SRBD1: variants seen among roughly 807,000 people sequenced by gnomAD.
SRBD1 encodes S1 RNA-binding domain-containing protein 1.
SRBD1 carries 88 observed loss-of-function variants against 115.3 expected under a neutral mutation model. The ratio of observed to expected loss-of-function variants is 0.76; its 90% confidence interval spans 0.64 to 0.91. The LOEUF is 0.91. Among genes scored for constraint, SRBD1 ranks in the 40% least tolerant of loss-of-function variants. The pLI is 0.00. For synonymous variants in SRBD1, 509 were observed against 407.7 expected (o/e 1.25, Z -2.99); for missense variants, 1,385 against 1,177.4 (o/e 1.18, Z -2.58).
At chr2:45,547,954 T>A (rs907492230) in intron 12 of SRBD1, among the ~76,000 whole-genome samples, 1 of 152,188 alleles carries the variant, frequency 6.6e-6, no homozygotes, top group African/African-American at 2.4e-5. Flanking sequence ...TGTGAGACTA[T>A]CCTATTTCTT....
At position 45,389,206 on chromosome 2, in the gene SRBD1, G is replaced by A; in HGVS notation, c.*104C>T. 7.7e-7 allele frequency: 1 copy of A among 1,296,356 alleles called. No individual in the cohort carries two copies. The highest frequency in any genetic ancestry group is 1.1e-6 in the Non-Finnish European group (1 of 944,232). The allele number at this position is 1,296,356 out of a possible 1,614,324, so 80.3% of individuals were successfully genotyped here. A position where few individuals can be genotyped will look rare whatever the true frequency, so the allele number is the denominator to read the frequency against. ...TTGGAAAATATTTCTGATATTAAGT[G>A]AATTATTTCTCATCTGCTACCTAGA... On this transcript the variant is annotated 3_prime_UTR_variant, in exon 21 of 21. Transcript: ENST00000263736.
intron 9 of SRBD1, among the ~76,000 whole-genome samples, chr2:45,564,026 T>C (rs181259042): frequency 1.1e-4 from 17 of 152,286 alleles, no homozygotes; most frequent in African/African-American, 2.9e-4. Flanking sequence ...CTTATGAATA[T>C]AGATGTAAAA....
chr2:45,441,155 C>A (rs950933219), intron 16 of SRBD1, among the ~76,000 whole-genome samples: 2 of 152,144 alleles, frequency 1.3e-5, no homozygotes, highest in Non-Finnish European at 2.9e-5. Context: ...ACTGCCAGGA[C>A]AGGATCCACA....
At chr2:45,409,955 T>C (rs147140334) in intron 19 of SRBD1, among the ~76,000 whole-genome samples, 124 of 152,160 alleles carry the variant, frequency 8.1e-4, no homozygotes, top group African/African-American at 2.9e-3. Flanking sequence ...TCTAAAAAAA[T>C]AGAGGTAAAC....
intron 19 of SRBD1, among the ~76,000 whole-genome samples, chr2:45,409,012 A>C (rs1362235163): frequency 6.6e-6 from 1 of 152,122 alleles, no homozygotes; most frequent in Non-Finnish European, 1.5e-5. Flanking sequence ...TGAGCGAAGG[A>C]GTTCAAGACC....
In SRBD1 at chr2:45,389,134, A is replaced by T. The variant is rs1049922391; in HGVS notation, c.*176T>A. The stretch of plus-strand genomic sequence containing the variant: ...TTTCCTTTAAGGGAAAAGGAAATCA[A>T]ACTGTTGGTTTTCTATTTATTCAGA... On this transcript the variant is annotated 3_prime_UTR_variant, in exon 21 of 21. Coordinates refer to ENST00000263736, the MANE Select transcript of SRBD1 (RefSeq NM_018079.5). 2.8e-5 allele frequency: 21 copies of T among 744,230 alleles called. No individual in the cohort carries two copies. The Admixed American group carries it at 5.8e-4, about 20-fold the overall frequency. The allele number at this position is 744,230 out of a possible 1,614,324, so 46.1% of individuals were successfully genotyped here. A position where few individuals can be genotyped will look rare whatever the true frequency, so the allele number is the denominator to read the frequency against.
intron 16 of SRBD1, among the ~76,000 whole-genome samples, chr2:45,466,477 T>G (rs542088607): frequency 2.6e-4 from 39 of 152,298 alleles, no homozygotes; most frequent in African/African-American, 9.1e-4. Context: ...CTCTCTTCCT[T>G]AAACATTTGT....
At chr2:45,475,047 A>G (rs1244868034) in intron 16 of SRBD1, among the ~76,000 whole-genome samples, 1 of 152,146 alleles carries the variant, frequency 6.6e-6, no homozygotes, top group African/African-American at 2.4e-5. Flanking sequence ...TTTAAATCTC[A>G]GACTCATATA....
chr2:45,428,357 T>C (rs1333344667), intron 16 of SRBD1, among the ~76,000 whole-genome samples: 9 of 152,040 alleles, frequency 5.9e-5, no homozygotes, highest in African/African-American at 1.9e-4. Context: ...CAGACCACCC[T>C]GGCTAACACA....
chr2:45,590,803 G>T (rs1025939974), intron 4 of SRBD1, among the ~76,000 whole-genome samples: 6 of 152,116 alleles, frequency 3.9e-5, no homozygotes, highest in Non-Finnish European at 7.3e-5. Flanking sequence ...GATAACCTGA[G>T]GTCAGGAGTT....
At chr2:45,496,599 A>G (rs1204774479) in intron 14 of SRBD1, among the ~76,000 whole-genome samples, 2 of 152,208 alleles carry the variant, frequency 1.3e-5, no homozygotes, top group Non-Finnish European at 2.9e-5. Context: ...TTTCTGCTAC[A>G]TTCACTAATA....
chr2:45,570,179 A>G (rs1052285686), intron 9 of SRBD1, among the ~76,000 whole-genome samples: 1 of 152,250 alleles, frequency 6.6e-6, no homozygotes. Context: ...GGACCTTTAC[A>G]GAAAAAGTTT....
At chr2:45,468,153 T>C (rs891281913) in intron 16 of SRBD1, among the ~76,000 whole-genome samples, 3 of 152,136 alleles carry the variant, frequency 2.0e-5, no homozygotes, top group Non-Finnish European at 4.4e-5. Flanking sequence ...CCTATATATT[T>C]CATATTTTTA....
At chr2:45,401,434 A>G (rs1282172957) in intron 19 of SRBD1, among the ~76,000 whole-genome samples, 1 of 152,208 alleles carries the variant, frequency 6.6e-6, no homozygotes, top group African/African-American at 2.4e-5. Flanking sequence ...TAACTAATTG[A>G]TACACATCTT....
At position 45,471,806 on chromosome 2, in the gene SRBD1, T is replaced by C. The variant is rs79143402; in HGVS notation, c.2049+5187A>G. On this transcript the variant is annotated intron_variant, in intron 16 of 20. Transcript: ENST00000263736. ...ATGTAGTGGCTCTTTACATATTTTA[T>C]GTAAATGTTTTATATAAACCAACTA... Among the ~76,000 whole-genome samples the C allele has an allele frequency of 2.1e-3, 314 of 152,252 alleles. 8 individuals are homozygous for C. In the East Asian group the frequency reaches 0.049, roughly 24 times the overall value.
chr2:45,452,889 T>C (rs540272281), intron 16 of SRBD1, among the ~76,000 whole-genome samples: 8 of 151,994 alleles, frequency 5.3e-5, no homozygotes, highest in African/African-American at 1.9e-4. Flanking sequence ...ATAAACTGTA[T>C]ACTAGGTTTT....
At chr2:45,470,668 C>A (rs1045057480) in intron 16 of SRBD1, among the ~76,000 whole-genome samples, 1 of 152,152 alleles carries the variant, frequency 6.6e-6, no homozygotes, top group Non-Finnish European at 1.5e-5. Context: ...AACCACCATT[C>A]CCCACGTCCC....
intron 16 of SRBD1, among the ~76,000 whole-genome samples, chr2:45,452,508 G>A (rs540219780): frequency 2.6e-4 from 39 of 151,892 alleles, no homozygotes; most frequent in Non-Finnish European, 4.4e-4. Context: ...TATAACTCAT[G>A]TTTAGTTAAA....
chr2:45,409,515 CAAA>C (rs59849294), intron 19 of SRBD1, among the ~76,000 whole-genome samples: 28 of 117,894 alleles, frequency 2.4e-4, no homozygotes, highest in Middle Eastern at 4.0e-3. Context: ...TTGCAATAGG[CAAA>C]AAAAAAAAAA....
Sources: gnomAD v4.1 joint callset for allele counts (sites outside exome capture counted in the v4.1 genomes callset) on GRCh38, gnomAD v4.1.1 for gene constraint, MANE v1.5 for transcripts, NCBI Gene and HGNC (gene_info 2026-07-23, HGNC 2026-07-21) for gene names.